The following OR2L13 variants were observed in gnomAD, a reference collection of about 807,000 sequenced individuals.
The protein encoded by OR2L13 is olfactory receptor family 2 subfamily L member 13, also known as olfactory receptor 2L13.
OR2L13 carries 14 observed loss-of-function variants against 15.3 expected under a neutral mutation model. The observed-to-expected ratio is 0.91, with a 90% CI of 0.60 to 1.43. OR2L13 has a LOEUF of 1.43. OR2L13 is among the 40% of genes most tolerant of loss of function. The pLI is 0.00. For missense variants in OR2L13, 367 were observed against 387.9 expected, an observed-to-expected ratio of 0.95 and a Z score of 0.45; for synonymous variants, 152 against 142.9, an observed-to-expected ratio of 1.06 and a Z score of -0.45.
chr1:247,953,612 G>T, the OR2L13 span, among the ~76,000 whole-genome samples: 4 of 152,132 alleles, frequency 2.6e-5, no homozygotes, highest in East Asian at 7.7e-4. Flanking sequence ...TGCTAAGTTG[G>T]CATATTTATT....
the OR2L13 span, among the ~76,000 whole-genome samples, chr1:248,080,593 C>A: frequency 6.6e-6 from 1 of 152,134 alleles, no homozygotes; most frequent in Admixed American, 6.6e-5. Context: ...CATGTCCCTG[C>A]AAAGGACGTA....
At chr1:248,013,204 A>T in the OR2L13 span, among the ~76,000 whole-genome samples, 2 of 152,210 alleles carry the variant, frequency 1.3e-5, no homozygotes, top group Admixed American at 6.5e-5. Flanking sequence ...TTTATTGCTA[A>T]AATAAGCTAA....
the OR2L13 span, among the ~76,000 whole-genome samples, chr1:248,086,510 A>G: frequency 6.6e-6 from 1 of 152,216 alleles, no homozygotes; most frequent in Non-Finnish European, 1.5e-5. Context: ...ATTTAATAGA[A>G]AAGTTAGTTT....
chr1:248,039,091 T>C, the OR2L13 span: 4 of 1,614,034 alleles, frequency 2.5e-6, no homozygotes, highest in Non-Finnish European at 2.5e-6. Context: ...ATTCTGGCTG[T>C]TTTCTACACC....
chr1:248,072,721 C>T, the OR2L13 span, among the ~76,000 whole-genome samples: 1 of 151,938 alleles, frequency 6.6e-6, no homozygotes, highest in Non-Finnish European at 1.5e-5. Flanking sequence ...TTTTTGCAAC[C>T]TACACATCTG....
the OR2L13 span, among the ~76,000 whole-genome samples, chr1:248,010,763 GTTTTTTTT>G: frequency 6.5e-4 from 29 of 44,476 alleles, no homozygotes; most frequent in South Asian, 8.3e-3. Flanking sequence ...CTTTGTTGTT[GTTTTTTTT>G]TTTTTTTTTT....
the OR2L13 span, among the ~76,000 whole-genome samples, chr1:248,076,135 T>A: frequency 6.6e-6 from 1 of 152,194 alleles, no homozygotes; most frequent in Non-Finnish European, 1.5e-5. Flanking sequence ...TTTCTCAGAT[T>A]TGTCAAAGAT....
At chr1:248,024,565 T>C in the OR2L13 span, among the ~76,000 whole-genome samples, 2 of 152,180 alleles carry the variant, frequency 1.3e-5, no homozygotes, top group East Asian at 1.9e-4. Flanking sequence ...CTTTAATCCA[T>C]CTTGAATTAA....
the OR2L13 span, chr1:248,038,574 T>G: frequency 2.4e-5 from 38 of 1,614,102 alleles, 1 homozygote; most frequent in Non-Finnish European, 5.1e-6. Context: ...GAGTTTCTTC[T>G]TCTTGACTTT....
chr1:248,044,355 A>C, the OR2L13 span, among the ~76,000 whole-genome samples: 5 of 152,226 alleles, frequency 3.3e-5, no homozygotes, highest in Non-Finnish European at 5.9e-5. Context: ...ATAGAAACAG[A>C]GTAGAATGCT....
At chr1:247,948,936 T>C in the OR2L13 span, 3 of 1,613,750 alleles carry the variant, frequency 1.9e-6, no homozygotes. Flanking sequence ...CCTTTTCTTC[T>C]TCATTCTCAT....
chr1:247,952,638 T>C, the OR2L13 span, among the ~76,000 whole-genome samples: 7 of 152,314 alleles, frequency 4.6e-5, no homozygotes, highest in Admixed American at 2.0e-4. Flanking sequence ...TTCTGTTGTT[T>C]ATAGGTTACC....
At chr1:247,990,213 C>T in the OR2L13 span, 5 of 665,066 alleles carry the variant, frequency 7.5e-6, no homozygotes, top group East Asian at 1.4e-4. Flanking sequence ...GGGGGAACTA[C>T]TGTACTTCAC....
At chr1:248,088,673 A>G in the OR2L13 span, among the ~76,000 whole-genome samples, 1 of 152,184 alleles carries the variant, frequency 6.6e-6, no homozygotes, top group Non-Finnish European at 1.5e-5. Context: ...AGATAAGGGC[A>G]GGGTAGCCTG....
chr1:248,026,282 C>T, the OR2L13 span, among the ~76,000 whole-genome samples: 1 of 152,196 alleles, frequency 6.6e-6, no homozygotes, highest in African/African-American at 2.4e-5. Flanking sequence ...TTGAACTGTG[C>T]AGTCCACTTA....
the OR2L13 span, among the ~76,000 whole-genome samples, chr1:247,956,721 T>C: frequency 1.3e-5 from 2 of 151,676 alleles, no homozygotes; most frequent in East Asian, 3.9e-4. Flanking sequence ...GAATGGGAGT[T>C]CACTCATGAT....
At chr1:248,100,227 C>T (rs752250352) in exon 3 of OR2L13, 6 of 1,613,288 alleles carry the variant, frequency 3.7e-6, no homozygotes, top group Non-Finnish European at 5.1e-6. Flanking sequence ...CCCCCATGCT[C>T]AATCCCATTA....
chr1:248,036,532 TTG>T, the OR2L13 span, among the ~76,000 whole-genome samples: 1 of 151,898 alleles, frequency 6.6e-6, no homozygotes, highest in African/African-American at 2.4e-5. Flanking sequence ...GTGTTCATCT[TTG>T]TGTGTGTGTG....
At chr1:248,060,535 AAAT>A in the OR2L13 span, 2 of 656,638 alleles carry the variant, frequency 3.0e-6, no homozygotes, top group Non-Finnish European at 5.4e-6. Context: ...TGTGGACAGA[AAAT>A]AATAGTGTAT....
Sources: allele counts gnomAD v4.1 joint callset (sites outside exome capture counted in the v4.1 genomes callset), GRCh38; gene constraint gnomAD v4.1.1; transcripts MANE v1.5; gene names NCBI Gene and HGNC (gene_info 2026-07-23, HGNC 2026-07-21).